Variants in RIMS2 observed in about 807,000 individuals in gnomAD.
The protein encoded by RIMS2 is regulating synaptic membrane exocytosis protein 2.
Under a neutral mutation model 174.4 loss-of-function variants are expected in RIMS2, and 59 were observed. The ratio of observed to expected loss-of-function variants is 0.34; its 90% CI spans 0.27 to 0.42. The LOEUF is 0.42. Ranked by LOEUF, RIMS2 falls within the 10% of genes least tolerant of loss-of-function variation. RIMS2 has a pLI of 1.00. For synonymous variants in RIMS2, 606 were observed against 572.5 expected (o/e 1.06, Z -0.84); for missense variants, 1,620 against 1,666.3 (o/e 0.97, Z 0.48).
At chr8:103,998,990 TC>T (rs1464950875) in intron 17 of RIMS2, among the ~76,000 whole-genome samples, 1 of 151,708 alleles carries the variant, frequency 6.6e-6, no homozygotes, top group African/African-American at 2.4e-5. Flanking sequence ...ATCTCTAAAA[TC>T]TGAAAAGTTC....
At chr8:103,820,244 G>A (rs569415876) in intron 3 of RIMS2, among the ~76,000 whole-genome samples, 1 of 152,034 alleles carries the variant, frequency 6.6e-6, no homozygotes, top group African/African-American at 2.4e-5. Context: ...TCTCTCAGAT[G>A]GTTTCTCTGG....
intron 19 of RIMS2, among the ~76,000 whole-genome samples, chr8:104,139,507 A>C (rs2098549325): frequency 6.6e-6 from 1 of 151,940 alleles, no homozygotes; most frequent in African/African-American, 2.4e-5. Context: ...TAGGCATTTT[A>C]TGTCATTTGT....
At chr8:104,040,596 T>C (rs1248574277) in intron 19 of RIMS2, among the ~76,000 whole-genome samples, 4 of 151,744 alleles carry the variant, frequency 2.6e-5, no homozygotes, top group Admixed American at 2.6e-4. Context: ...TGTAAGAATC[T>C]GTTGAATGAA....
intron 1 of RIMS2, among the ~76,000 whole-genome samples, chr8:103,559,706 G>T (rs896517463): frequency 6.6e-6 from 1 of 152,184 alleles, no homozygotes; most frequent in African/African-American, 2.4e-5. Context: ...ATCAATATGT[G>T]TTAGATTATC....
intron 16 of RIMS2, among the ~76,000 whole-genome samples, chr8:103,978,079 T>G (rs1324932427): frequency 6.6e-6 from 1 of 152,132 alleles, no homozygotes. Flanking sequence ...TAGCATAAAC[T>G]CAAAAGTTAT....
intron 3 of RIMS2, among the ~76,000 whole-genome samples, chr8:103,878,413 A>G (rs2099151804): frequency 6.6e-6 from 1 of 151,916 alleles, no homozygotes; most frequent in Non-Finnish European, 1.5e-5. Context: ...CATGCCTGGA[A>G]TGGAACCTAC....
At chr8:104,003,536 C>T (rs1279738909) in intron 17 of RIMS2, among the ~76,000 whole-genome samples, 1 of 151,994 alleles carries the variant, frequency 6.6e-6, no homozygotes, top group East Asian at 1.9e-4. Context: ...GCCTCAGCCT[C>T]CTGAGTAGCT....
chr8:103,912,031 G>T, intron 5 of RIMS2, 22 bp from the exon 9 acceptor site: 1 of 1,510,910 alleles, frequency 6.6e-7, no homozygotes. Flanking sequence ...TATTTATTTT[G>T]TTTGTTGATG....
chr8:103,899,350 T>C (rs1243609471), intron 4 of RIMS2, among the ~76,000 whole-genome samples: 1 of 151,746 alleles, frequency 6.6e-6, no homozygotes, highest in East Asian at 1.9e-4. Context: ...AGTGTAAAAG[T>C]GTCCCTATTT....
At chr8:104,139,195 A>C (rs535747689) in intron 19 of RIMS2, among the ~76,000 whole-genome samples, 86 of 152,160 alleles carry the variant, frequency 5.7e-4, no homozygotes, top group Non-Finnish European at 1.1e-3. Context: ...GAAGTCAGAT[A>C]ATGTGATTCC....
At chr8:103,574,975 A>T (rs1363849059) in intron 1 of RIMS2, among the ~76,000 whole-genome samples, 2 of 152,168 alleles carry the variant, frequency 1.3e-5, no homozygotes, top group African/African-American at 4.8e-5. Flanking sequence ...GCTATTAAAA[A>T]TTTTTACATG....
At chr8:103,840,043 G>A (rs1593527071) in intron 3 of RIMS2, among the ~76,000 whole-genome samples, 1 of 152,132 alleles carries the variant, frequency 6.6e-6, no homozygotes, top group East Asian at 1.9e-4. Context: ...GAAGCTTACC[G>A]CTTTCTCAAG....
intron 3 of RIMS2, among the ~76,000 whole-genome samples, chr8:103,842,214 G>A (rs1367567492): frequency 6.6e-6 from 1 of 151,896 alleles, no homozygotes; most frequent in East Asian, 1.9e-4. Context: ...TTTTATATTA[G>A]AATAATGCTT....
intron 1 of RIMS2, among the ~76,000 whole-genome samples, chr8:103,523,927 AT>A (rs1832832522): frequency 6.6e-6 from 1 of 152,146 alleles, no homozygotes; most frequent in African/African-American, 2.4e-5. Flanking sequence ...TATAATTCCT[AT>A]TTTAATTAAA....
At chr8:103,926,230 G>A (rs752749568) in intron 10 of RIMS2, among the ~76,000 whole-genome samples, 1 of 151,560 alleles carries the variant, frequency 6.6e-6, no homozygotes, top group African/African-American at 2.4e-5. Flanking sequence ...GAAATAAAAT[G>A]TATTTCTAAA....
rs953472037 is a variant in RIMS2 at position 104,146,329 on chromosome 8, T to C, written c.3335-98587T>C. Among the ~76,000 whole-genome samples, 13 of 151,982 alleles carry C rather than the reference T, an allele frequency of 8.6e-5. No homozygotes were observed. In the East Asian group the frequency reaches 2.3e-3, roughly 27 times the overall value. On this transcript the variant is annotated intron_variant, in intron 19 of 23. Coordinates refer to ENST00000504942, the Ensembl canonical transcript of RIMS2. ...AGGGGTTCGAGGTTACGATGAGCTA[T>C]GATTGCACCACTGCACCCTAGCCTG...
intron 19 of RIMS2, among the ~76,000 whole-genome samples, chr8:104,210,212 G>A (rs1341217223): frequency 6.6e-6 from 1 of 152,070 alleles, no homozygotes; most frequent in Non-Finnish European, 1.5e-5. Flanking sequence ...ATATTTTAAG[G>A]CTCCCCCATG....
At chr8:103,937,911 C>T (rs542093541) in intron 13 of RIMS2, among the ~76,000 whole-genome samples, 1 of 152,294 alleles carries the variant, frequency 6.6e-6, no homozygotes, top group East Asian at 1.9e-4. Context: ...CACAGTGGCA[C>T]AGTCATAGCT....
intron 16 of RIMS2, chr8:103,976,766 T>G (rs2093480221): frequency 6.6e-6 from 1 of 152,188 alleles, no homozygotes; most frequent in African/African-American, 2.4e-5. Context: ...CAGGATGGTC[T>G]TGATCTCCTG....
Sources: allele counts gnomAD v4.1 joint callset (sites outside exome capture counted in the v4.1 genomes callset), GRCh38; gene constraint gnomAD v4.1.1; transcripts MANE v1.5; gene names NCBI Gene and HGNC (gene_info 2026-07-23, HGNC 2026-07-21).